LIN52: variants seen among roughly 807,000 people sequenced by gnomAD.
The protein encoded by LIN52 is protein lin-52 homolog.
Under a neutral mutation model 18.5 loss-of-function variants are expected in LIN52, and 4 were observed. The observed-to-expected ratio is 0.22, with a 90% CI of 0.11 to 0.49. The LOEUF is 0.49. LIN52 is among the 20% of genes least tolerant of loss of function. The probability of loss-of-function intolerance (pLI) is 0.97; values close to 1 mark genes in which losing one functional copy is unlikely to be tolerated. For synonymous variants in LIN52, 34 were observed against 45.5 expected, an observed-to-expected ratio of 0.75 and a Z score of 1.02; for missense variants, 102 against 139.5, an observed-to-expected ratio of 0.73 and a Z score of 1.35.
intron 5 of LIN52, among the ~76,000 whole-genome samples, chr14:74,144,507 C>G (rs560440858): frequency 6.6e-6 from 1 of 152,266 alleles, no homozygotes; most frequent in African/African-American, 2.4e-5. Flanking sequence ...CTGGTATTCT[C>G]AACATCTGAG....
intron 5 of LIN52, among the ~76,000 whole-genome samples, chr14:74,127,435 A>C (rs1385176770): frequency 6.6e-6 from 1 of 152,198 alleles, no homozygotes; most frequent in Non-Finnish European, 1.5e-5. Flanking sequence ...AAAGAAGACT[A>C]ATATGAATTC....
chr14:74,196,050 C>G (rs1003061974), intron 5 of LIN52, among the ~76,000 whole-genome samples: 1 of 152,218 alleles, frequency 6.6e-6, no homozygotes, highest in East Asian at 1.9e-4. Context: ...TCGTATATCT[C>G]CTGTATGGGA....
chr14:74,192,290 G>GTTTTT (rs1463556267), intron 5 of LIN52, among the ~76,000 whole-genome samples: 1 of 151,766 alleles, frequency 6.6e-6, no homozygotes, highest in Non-Finnish European at 1.5e-5. Context: ...TTTTGTTTTT[G>GTTTTT]TTTTTTGTTT....
At chr14:74,170,905 G>C (rs2061267267) in intron 5 of LIN52, among the ~76,000 whole-genome samples, 1 of 151,594 alleles carries the variant, frequency 6.6e-6, no homozygotes, top group Non-Finnish European at 1.5e-5. Flanking sequence ...AATGATCCCA[G>C]GCATGGTGGT....
At chr14:74,152,520 G>A (rs369430435) in intron 5 of LIN52, among the ~76,000 whole-genome samples, 16 of 152,080 alleles carry the variant, frequency 1.1e-4, no homozygotes, top group South Asian at 6.2e-4. Flanking sequence ...GAACATTGTC[G>A]CCATTTTACA....
At chr14:74,109,425 C>G (rs1236805065) in intron 5 of LIN52, among the ~76,000 whole-genome samples, 1 of 152,212 alleles carries the variant, frequency 6.6e-6, no homozygotes, top group Admixed American at 6.5e-5. Flanking sequence ...ATGATCACAC[C>G]TCTGCACTCC....
chr14:74,110,983 T>G (rs1182711511), intron 5 of LIN52, among the ~76,000 whole-genome samples: 1 of 151,982 alleles, frequency 6.6e-6, no homozygotes, highest in Non-Finnish European at 1.5e-5. Flanking sequence ...AAAAAAAGAT[T>G]AAGATGTCTC....
chr14:74,098,629 C>A (rs565760436), intron 4 of LIN52, among the ~76,000 whole-genome samples: 119 of 150,466 alleles, frequency 7.9e-4, no homozygotes, highest in Non-Finnish European at 1.2e-4. Flanking sequence ...CTCACTGCAA[C>A]CTCCGCCTCC....
At chr14:74,150,883 C>T (rs2061173985) in intron 5 of LIN52, among the ~76,000 whole-genome samples, 1 of 152,074 alleles carries the variant, frequency 6.6e-6, no homozygotes, top group Admixed American at 6.5e-5. Context: ...AACCCTCCCG[C>T]CCCCCTGCTC....
intron 5 of LIN52, among the ~76,000 whole-genome samples, chr14:74,142,182 G>A (rs1290289890): frequency 6.6e-6 from 1 of 152,100 alleles, no homozygotes; most frequent in Non-Finnish European, 1.5e-5. Flanking sequence ...GCCAAAGATG[G>A]GAGCATTGCA....
At chr14:74,093,553 A>T (rs62005138) in intron 2 of LIN52, among the ~76,000 whole-genome samples, 34,115 of 151,366 alleles carry the variant, frequency 0.23, 4,162 homozygotes, top group South Asian at 0.46. Context: ...CTTGAACTCC[A>T]GACCTCAGAT....
intron 5 of LIN52, among the ~76,000 whole-genome samples, chr14:74,117,799 A>C (rs925930132): frequency 3.9e-5 from 6 of 152,224 alleles, no homozygotes; most frequent in African/African-American, 1.4e-4. Flanking sequence ...ATGGGAATTT[A>C]TAAATGATCA....
chr14:74,123,432 T>C (rs570992158), intron 5 of LIN52, among the ~76,000 whole-genome samples: 123 of 152,296 alleles, frequency 8.1e-4, no homozygotes, highest in African/African-American at 2.9e-3. Context: ...TAGGTGTATA[T>C]AGGAAGAAGA....
At chr14:74,126,822 G>A (rs1040828246) in intron 5 of LIN52, among the ~76,000 whole-genome samples, 1 of 152,186 alleles carries the variant, frequency 6.6e-6, no homozygotes, top group Admixed American at 6.5e-5. Flanking sequence ...AGTGGTGATT[G>A]CACAACATTG....
At position 74,130,277 on chromosome 14, in the gene LIN52, G is replaced by GGTTTTTTTTTTGTTTTTTTTTTT. The variant is rs1555382568; in HGVS notation, c.283+29050_283+29051insGTTTTTTTTTTTGTTTTTTTTTT. On this transcript the variant is annotated intron_variant, in intron 5 of 5. Coordinates refer to ENST00000555028, the MANE Select transcript of LIN52 (RefSeq NM_001024674.3). ...GGAATTTATTAGATAGGCATTTTTT[G>GGTTTTTTTTTTGTTTTTTTTTTT]GTTTTTTTTTTTTTTTTTTGAGACA... Among the ~76,000 whole-genome samples, 362 of 46,318 alleles carry GGTTTTTTTTTTGTTTTTTTTTTT rather than the reference G, an allele frequency of 7.8e-3. 37 individuals carry two copies. The highest frequency in any genetic ancestry group is 0.064 in the African/African-American group (354 of 5,542). The allele number at this position is 46,318 out of a possible 152,430, so 30.4% of individuals were successfully genotyped here. A position where few individuals can be genotyped will look rare whatever the true frequency, so the allele number is the denominator to read the frequency against.
intron 5 of LIN52, among the ~76,000 whole-genome samples, chr14:74,167,397 G>C (rs1330590680): frequency 2.0e-5 from 3 of 152,092 alleles, no homozygotes; most frequent in Non-Finnish European, 1.5e-5. Context: ...GAAGATATAA[G>C]AGGTTATTTT....
At chr14:74,168,019 C>T (rs932461129) in intron 5 of LIN52, among the ~76,000 whole-genome samples, 2 of 152,168 alleles carry the variant, frequency 1.3e-5, no homozygotes, top group African/African-American at 4.8e-5. Flanking sequence ...AAGAACTTTC[C>T]AAATGTCCAA....
At chr14:74,131,771 G>C (rs78587356) in intron 5 of LIN52, among the ~76,000 whole-genome samples, 3 of 152,058 alleles carry the variant, frequency 2.0e-5, no homozygotes, top group Admixed American at 1.3e-4. Flanking sequence ...TATAGTCCTT[G>C]TCTGTTTTTC....
At chr14:74,163,690 A>G (rs1179788753) in intron 5 of LIN52, among the ~76,000 whole-genome samples, 1 of 152,150 alleles carries the variant, frequency 6.6e-6, no homozygotes, top group Admixed American at 6.6e-5. Flanking sequence ...CAGCAGCAAG[A>G]TTTTGGAAGG....
Sources: allele counts gnomAD v4.1 joint callset (sites outside exome capture counted in the v4.1 genomes callset), GRCh38; gene constraint gnomAD v4.1.1; transcripts MANE v1.5; gene names NCBI Gene and HGNC (gene_info 2026-07-23, HGNC 2026-07-21).